Variants in DCLRE1C observed in about 807,000 individuals in gnomAD.
DCLRE1C encodes DNA cross-link repair 1C.
Under a neutral mutation model 61.4 loss-of-function variants are expected in DCLRE1C, and 47 were observed. The ratio of observed to expected loss-of-function variants is 0.77; its 90% CI spans 0.61 to 0.98. The LOEUF (loss-of-function observed/expected upper bound fraction) is 0.98, where lower values mean the gene tolerates loss of function less well. Ranked by LOEUF, DCLRE1C falls within the 50% of genes least tolerant of loss-of-function variation. The probability of loss-of-function intolerance (pLI) is 0.00; values close to 1 mark genes in which losing one functional copy is unlikely to be tolerated. For synonymous variants in DCLRE1C, 337 were observed against 287.6 expected (o/e 1.17, Z -1.74); for missense variants, 858 against 816.0 (o/e 1.05, Z -0.63).
chr10:14,932,694 A>C (rs1047762613), intron 9 of DCLRE1C, among the ~76,000 whole-genome samples, 160 bp downstream of exon 9: 5 of 152,220 alleles, frequency 3.3e-5, no homozygotes, highest in African/African-American at 4.8e-5. Flanking sequence ...TGGTCATGGA[A>C]TATGGCAATG....
At chr10:14,912,092 C>T (rs1835351489) in intron 13 of DCLRE1C, among the ~76,000 whole-genome samples, 1 of 152,204 alleles carries the variant, frequency 6.6e-6, no homozygotes, top group Admixed American at 6.5e-5. Flanking sequence ...TATGTGGAAG[C>T]CCTAAAGCCA....
At position 14,928,086 on chromosome 10, in the gene DCLRE1C, G is replaced by A; in HGVS notation, c.847C>T (p.His283Tyr). The change falls in exon 10 of 14, where the codon CAC becomes TAC. Residue 283 changes from histidine to tyrosine, a missense_variant. This residue lies in a region of DCLRE1C where 843 missense variants were observed against 783.5 expected (regional missense o/e 1.08). Transcript: ENST00000378278. Reference protein sequence around the residue: ...GITSRNRIPLHIISIKPSTMW... With the variant: ...GITSRNRIPLYIISIKPSTMW... ...GTGGATGGCTTAATGCTGATTATGT[G>A]GAGTGGAATTCTATTTCTGGAAGTA... 1 of 1,613,436 alleles carries A rather than the reference G, an allele frequency of 6.2e-7. No homozygotes were observed.
intron 13 of DCLRE1C, among the ~76,000 whole-genome samples, chr10:14,909,835 T>C (rs950191619): frequency 6.6e-6 from 1 of 152,234 alleles, no homozygotes; most frequent in Non-Finnish European, 1.5e-5. Context: ...TATTGACATG[T>C]TTTATGCACA....
In DCLRE1C at chr10:14,905,314, A is replaced by G. The variant is rs1187031085; in HGVS notation, c.*3094T>C. The stretch of plus-strand genomic sequence containing the variant: ...CATTTCGCTAGCATAATGTGGATGA[A>G]TACTTCAGAAATTTTTGAGCATTGT... On this transcript the variant is annotated 3_prime_UTR_variant, in exon 14 of 14. Coordinates refer to ENST00000378278, the MANE Select transcript of DCLRE1C (RefSeq NM_001033855.3). Among the ~76,000 whole-genome samples, 1 of 152,254 alleles carries G rather than the reference A, an allele frequency of 6.6e-6. No individual in the cohort carries two copies. The highest frequency in any genetic ancestry group is 2.4e-5 in the African/African-American group (1 of 41,474).
intron 13 of DCLRE1C, among the ~76,000 whole-genome samples, chr10:14,914,833 C>G (rs184470955): frequency 1.1e-4 from 17 of 151,746 alleles, no homozygotes; most frequent in South Asian, 2.1e-4. Context: ...CCAGCTACTT[C>G]GGATGCTGAC....
At chr10:14,935,384 T>G (rs1839741241) in intron 6 of DCLRE1C, 79 bp downstream of exon 6, 17 of 1,497,834 alleles carry the variant, frequency 1.1e-5, no homozygotes, top group Non-Finnish European at 1.4e-5. Context: ...GAGAATCGCT[T>G]GAACTCTGGG....
At chr10:14,913,234 C>T (rs1241742917) in intron 13 of DCLRE1C, among the ~76,000 whole-genome samples, 4 of 152,160 alleles carry the variant, frequency 2.6e-5, no homozygotes, top group East Asian at 1.9e-4. Flanking sequence ...GGCCTAAGGC[C>T]GGGAATAGTA....
chr10:14,938,272 G>T (rs1485314789), intron 4 of DCLRE1C, among the ~76,000 whole-genome samples: 1 of 152,202 alleles, frequency 6.6e-6, no homozygotes, highest in Non-Finnish European at 1.5e-5. Context: ...TTGTGACAAG[G>T]CCACAGACCA....
intron 13 of DCLRE1C, among the ~76,000 whole-genome samples, chr10:14,918,463 G>A (rs752616770): frequency 6.6e-5 from 10 of 152,154 alleles, no homozygotes; most frequent in Admixed American, 3.3e-4. Flanking sequence ...GCATGGGTGA[G>A]AACCGGAGGG....
chr10:14,949,735 A>C (rs1250386448), intron 1 of DCLRE1C, among the ~76,000 whole-genome samples: 1 of 152,262 alleles, frequency 6.6e-6, no homozygotes, highest in East Asian at 1.9e-4. Flanking sequence ...AACAATGATC[A>C]AACAGCTCTA....
chr10:14,919,926 T>G (rs780529709), intron 12 of DCLRE1C, 94 bp from the exon 13 acceptor site: 29 of 1,018,702 alleles, frequency 2.8e-5, no homozygotes, highest in Non-Finnish European at 4.2e-5. Flanking sequence ...TGATTTTGTT[T>G]TTTAATTTCT....
At chr10:14,899,452 G>T in intron 13 of DCLRE1C, 1 of 1,380,384 alleles carries the variant, frequency 7.2e-7, no homozygotes, top group Admixed American at 1.9e-5. Flanking sequence ...TTAAATATTT[G>T]TAGGTATTCG....
At position 14,934,502 on chromosome 10, in the gene DCLRE1C, C is replaced by G. The variant is rs141448396; in HGVS notation, c.556G>C (p.Val186Leu). 178 of 1,614,196 alleles carry G rather than the reference C, an allele frequency of 1.1e-4. No homozygotes were observed. In the African/African-American group the frequency reaches 2.1e-3, roughly 19 times the overall value. ...IPSREECLSG[V>L]LELVRSWITR... ...ATCCAGCTTCGGACCAGCTCTAAGA[C>G]TCCACTTAAACACTCCTCCTAGACA... is the stretch of plus-strand genomic sequence containing the variant. The change falls in exon 8 of 14, where the codon GTC (valine) becomes CTC (leucine). Residue 186 changes from valine to leucine, a missense_variant. By Grantham distance (32) the Val-to-Leu change is conservative. Transcript: ENST00000378278.
At chr10:14,900,147 G>A (rs1833898564), downstream of DCLRE1C, among the ~76,000 whole-genome samples, 1 of 152,128 alleles carries the variant, frequency 6.6e-6, no homozygotes, top group African/African-American at 2.4e-5. Context: ...GAGTATTTAT[G>A]TAGGGCTATT....
chr10:14,946,895 A>T (rs1841779269), intron 2 of DCLRE1C, among the ~76,000 whole-genome samples: 2 of 152,090 alleles, frequency 1.3e-5, no homozygotes, highest in South Asian at 4.1e-4. Context: ...TGGGATTATA[A>T]GCCTAAGCCA....
chr10:14,953,010 C>G (rs1008296858), intron 1 of DCLRE1C, among the ~76,000 whole-genome samples: 28 of 152,198 alleles, frequency 1.8e-4, no homozygotes, highest in African/African-American at 6.3e-4. Context: ...AGGTTTGTTA[C>G]GCTGATTGAC....
intron 2 of DCLRE1C, among the ~76,000 whole-genome samples, chr10:14,948,820 A>C (rs763580153): frequency 1.3e-5 from 2 of 151,746 alleles, no homozygotes; most frequent in Non-Finnish European, 2.9e-5. Context: ...AAGCTAACCC[A>C]TGATGACAAA....
In DCLRE1C at chr10:14,929,787, A is replaced by C. The variant is rs879329605; in HGVS notation, c.781-1635T>G. On this transcript the variant is annotated intron_variant, in intron 9 of 13. Transcript: ENST00000378278. ...TTTGAAATCCAGAACCTTCCAAACC[A>C]TTAACGTTCCATCCCACTCAAATTT... 3.6e-4 allele frequency among the ~76,000 whole-genome samples: 55 copies of C among 152,214 alleles called. 1 individual carries two copies. The highest frequency in any genetic ancestry group is 2.1e-4 in the Non-Finnish European group (14 of 68,038).
intron 3 of DCLRE1C, among the ~76,000 whole-genome samples, chr10:14,940,382 G>A (rs1477881543): frequency 1.3e-5 from 2 of 151,678 alleles, no homozygotes; most frequent in African/African-American, 4.9e-5. Flanking sequence ...ACCGCCTCCT[G>A]GGTTCACGCG....
Sources: gnomAD v4.1 joint callset for allele counts (sites outside exome capture counted in the v4.1 genomes callset) on GRCh38, gnomAD v4.1.1 for gene constraint, gnomAD v4.1.1 regional missense constraint, MANE v1.5 for transcripts, NCBI Gene and HGNC (gene_info 2026-07-23, HGNC 2026-07-21) for gene names.